Variants in OSBPL1A observed in about 807,000 individuals in gnomAD.
OSBPL1A encodes oxysterol-binding protein-related protein 1.
OSBPL1A carries 80 observed loss-of-function variants against 137.1 expected under a neutral mutation model. The ratio of observed to expected loss-of-function variants is 0.58; its 90% CI spans 0.49 to 0.70. The LOEUF is 0.70. Among genes scored for constraint, OSBPL1A ranks in the 30% least tolerant of loss-of-function variants. The pLI is 0.00. For synonymous variants in OSBPL1A, 365 were observed against 389.7 expected, an observed-to-expected ratio of 0.94 and a Z score of 0.75; for missense variants, 970 against 1,129.4, an observed-to-expected ratio of 0.86 and a Z score of 2.02.
intron 17 of OSBPL1A, among the ~76,000 whole-genome samples, chr18:24,206,890 C>G (rs570951167): frequency 2.3e-4 from 35 of 152,118 alleles, no homozygotes; most frequent in Non-Finnish European, 4.3e-4. Context: ...AGAGTGTAAT[C>G]CCCCTCCGCT....
intron 14 of OSBPL1A, among the ~76,000 whole-genome samples, chr18:24,283,281 A>AAAATAT (rs1246058393): frequency 0.023 from 1,794 of 77,914 alleles, 78 homozygotes; most frequent in African/African-American, 0.04. Flanking sequence ...AAAAAAAAAA[A>AAAATAT]ATATATATAT....
At chr18:24,282,901 G>A (rs1167451819) in intron 14 of OSBPL1A, among the ~76,000 whole-genome samples, 3 of 152,078 alleles carry the variant, frequency 2.0e-5, no homozygotes, top group African/African-American at 7.2e-5. Flanking sequence ...TTGAGGCCAG[G>A]AGTTCAAGAC....
intron 19 of OSBPL1A, among the ~76,000 whole-genome samples, chr18:24,180,707 C>G (rs891490094): frequency 1.3e-5 from 2 of 152,114 alleles, no homozygotes; most frequent in African/African-American, 4.8e-5. Flanking sequence ...AAACCCGTCT[C>G]TACTAAAAAA....
intron 13 of OSBPL1A, among the ~76,000 whole-genome samples, chr18:24,309,021 T>A (rs2090564215): frequency 6.6e-6 from 1 of 152,168 alleles, no homozygotes; most frequent in Non-Finnish European, 1.5e-5. Context: ...TCCACCCACC[T>A]CAGCCTCCCA....
At chr18:24,311,491 C>T in intron 13 of OSBPL1A, 1 of 986,202 alleles carries the variant, frequency 1.0e-6, no homozygotes, top group Non-Finnish European at 1.2e-6. Context: ...GCACTGGTGT[C>T]ACTTCAGAAG....
At chr18:24,288,027 G>A (rs778484777) in intron 14 of OSBPL1A, among the ~76,000 whole-genome samples, 1 of 152,160 alleles carries the variant, frequency 6.6e-6, no homozygotes, top group Non-Finnish European at 1.5e-5. Context: ...TCTAACACCT[G>A]AGGAGGCTGG....
At chr18:24,258,688 C>T (rs2089355153) in intron 15 of OSBPL1A, among the ~76,000 whole-genome samples, 1 of 152,128 alleles carries the variant, frequency 6.6e-6, no homozygotes, top group African/African-American at 2.4e-5. Context: ...GATTATTACG[C>T]ATTGTATGCC....
chr18:24,315,593 A>T (rs921273674), intron 11 of OSBPL1A, among the ~76,000 whole-genome samples: 37 of 134,544 alleles, frequency 2.8e-4, no homozygotes, highest in African/African-American at 7.0e-4. Flanking sequence ...AATCATATTA[A>T]TATTATTATA....
At chr18:24,228,312 C>A (rs1038670127) in intron 16 of OSBPL1A, among the ~76,000 whole-genome samples, 1 of 151,080 alleles carries the variant, frequency 6.6e-6, no homozygotes, top group African/African-American at 2.4e-5. Flanking sequence ...CCCCTCCTTA[C>A]TCCTCCTCTA....
chr18:24,169,347 G>A (rs531351636), intron 24 of OSBPL1A, among the ~76,000 whole-genome samples: 3 of 152,310 alleles, frequency 2.0e-5, no homozygotes, highest in East Asian at 1.9e-4. Context: ...AAACGCTAAA[G>A]AGCCCCAGAG....
At chr18:24,239,096 T>A in intron 16 of OSBPL1A, 124 bp downstream of exon 16, 2 of 1,145,412 alleles carry the variant, frequency 1.7e-6, no homozygotes, top group African/African-American at 1.5e-5. Flanking sequence ...TACATCGCTA[T>A]CTGTTTATTC....
intron 7 of OSBPL1A, among the ~76,000 whole-genome samples, chr18:24,319,600 C>T: frequency 6.6e-6 from 1 of 152,028 alleles, no homozygotes; most frequent in Non-Finnish European, 1.5e-5. Context: ...TGCCCAACAA[C>T]AACAAAAATG....
intron 13 of OSBPL1A, among the ~76,000 whole-genome samples, chr18:24,305,829 T>C (rs2090489850): frequency 1.3e-5 from 2 of 152,260 alleles, no homozygotes; most frequent in South Asian, 4.1e-4. Flanking sequence ...GATCTGATGG[T>C]TTTATAAAGG....
At chr18:24,391,099 CTCAA>C (rs1907324868) in intron 1 of OSBPL1A, among the ~76,000 whole-genome samples, 1 of 152,086 alleles carries the variant, frequency 6.6e-6, no homozygotes, top group Admixed American at 6.6e-5. Context: ...AAGACTCTGT[CTCAA>C]TCGATTGAGG....
In OSBPL1A at chr18:24,166,615, G is replaced by A. The variant is rs751459453; in HGVS notation, c.2623C>T (p.Arg875Trp). The A allele has an allele frequency of 4.3e-6, 7 of 1,612,564 alleles. No homozygotes were observed. Among genetic ancestry groups the A allele is most frequent in the South Asian group, 1.1e-5 (1 of 90,824 alleles). ...SVIPKTDCRL[R>W]PDIRAMENGE... The stretch of plus-strand genomic sequence containing the variant: ...TTTTCCATGGCTCTGATGTCAGGCC[G>A]TAACCTGCAGTCTGTCTTGGGAATC... The change falls in exon 26 of 28, where the codon CGG (arginine) becomes TGG (tryptophan). Residue 875 changes from arginine (R) to tryptophan (W), a missense_variant. Arg to Trp is a moderately radical substitution (Grantham distance 101). Around this residue, in one of 2 missense-constraint regions of OSBPL1A, gnomAD observed 323 missense variants for 456.8 expected, o/e 0.71. Coordinates refer to ENST00000319481, the MANE Select transcript of OSBPL1A (RefSeq NM_080597.4).
chr18:24,237,211 G>A lies in OSBPL1A; in HGVS notation c.1444+2009C>T, dbSNP rs2088511239. On this transcript the variant is annotated intron_variant, in intron 16 of 27. Transcript: ENST00000319481. ...AGGAGAAGGAGTGCATGATTAACTG[G>A]GATAACAGGTGAAGAGAATTTCACT... 2.6e-5 allele frequency among the ~76,000 whole-genome samples: 4 copies of A among 152,066 alleles called. No individual in the cohort carries two copies. The South Asian group carries it at 8.3e-4, about 32-fold the overall frequency.
intron 14 of OSBPL1A, among the ~76,000 whole-genome samples, chr18:24,292,965 G>T (rs551474514): frequency 6.6e-6 from 1 of 151,944 alleles, no homozygotes; most frequent in South Asian, 2.1e-4. Flanking sequence ...AATTAGCCGG[G>T]TGTGGTGGCT....
In OSBPL1A at chr18:24,276,182, G is replaced by A. The variant is rs546489047; in HGVS notation, c.1281+4660C>T. ...GGTATGACTAACATCAAGGAAGCTCGATAGTACACAAAATGAGGAGGGCAT... is the reference window on the plus strand; with the variant it reads ...GGTATGACTAACATCAAGGAAGCTCAATAGTACACAAAATGAGGAGGGCAT... On this transcript the variant is annotated intron_variant, in intron 15 of 27. Transcript: ENST00000319481. 3.9e-5 allele frequency among the ~76,000 whole-genome samples: 6 copies of A among 152,266 alleles called. No homozygotes were observed. In the East Asian group the frequency reaches 9.7e-4, roughly 25 times the overall value.
chr18:24,275,429 A>AG (rs1349395498), intron 15 of OSBPL1A, among the ~76,000 whole-genome samples: 6 of 152,306 alleles, frequency 3.9e-5, no homozygotes, highest in African/African-American at 1.4e-4. Flanking sequence ...AGGAGATCTG[A>AG]GGGGACTACA....
Sources: gnomAD v4.1 joint callset for allele counts (sites outside exome capture counted in the v4.1 genomes callset) on GRCh38, gnomAD v4.1.1 for gene constraint, gnomAD v4.1.1 regional missense constraint, MANE v1.5 for transcripts, NCBI Gene and HGNC (gene_info 2026-07-23, HGNC 2026-07-21) for gene names.